PPFIA2: variants seen among roughly 807,000 people sequenced by gnomAD.
PPFIA2 encodes the protein liprin-alpha-2.
Under a neutral mutation model 175.5 loss-of-function variants are expected in PPFIA2, and 46 were observed. The ratio of observed to expected loss-of-function variants is 0.26; its 90% CI spans 0.21 to 0.34. The LOEUF (loss-of-function observed/expected upper bound fraction) is 0.34. PPFIA2 is among the 10% of genes least tolerant of loss of function. The pLI is 1.00. For synonymous variants in PPFIA2, 568 were observed against 511.4 expected (o/e 1.11, Z -1.49); for missense variants, 1,179 against 1,506.1 (o/e 0.78, Z 3.60).
chr12:81,655,509 C>CA (rs1032061684), intron 4 of PPFIA2, among the ~76,000 whole-genome samples: 107 of 151,806 alleles, frequency 7.0e-4, no homozygotes, highest in African/African-American at 2.4e-3. Context: ...CAAAATGAAT[C>CA]AAAAAAATTC....
At chr12:81,489,171 A>T (rs935051179) in intron 4 of PPFIA2, among the ~76,000 whole-genome samples, 2 of 151,842 alleles carry the variant, frequency 1.3e-5, no homozygotes, top group African/African-American at 4.8e-5. Context: ...TAGGCAAAGT[A>T]TCCTTAAAGC....
intron 4 of PPFIA2, among the ~76,000 whole-genome samples, chr12:81,580,405 G>GA (rs1185775955): frequency 2.0e-5 from 3 of 151,760 alleles, no homozygotes; most frequent in Non-Finnish European, 4.4e-5. Flanking sequence ...TAACTTTAGG[G>GA]AAAACGGTTT....
chr12:81,691,026 T>C (rs2075176852), intron 3 of PPFIA2, among the ~76,000 whole-genome samples: 1 of 152,100 alleles, frequency 6.6e-6, no homozygotes, highest in African/African-American at 2.4e-5. Context: ...TTAACCGACC[T>C]AATGTTCTCA....
intron 15 of PPFIA2, among the ~76,000 whole-genome samples, chr12:81,359,809 A>T (rs570568794): frequency 1.6e-4 from 24 of 151,746 alleles, no homozygotes; most frequent in South Asian, 4.2e-4. Context: ...AATTTATTTT[A>T]AAAAAAAGCA....
intron 4 of PPFIA2, among the ~76,000 whole-genome samples, chr12:81,638,262 G>A (rs1243306242): frequency 6.6e-6 from 1 of 152,004 alleles, no homozygotes; most frequent in Admixed American, 6.6e-5. Flanking sequence ...AAGATCATCT[G>A]ACTGCATGGC....
chr12:81,705,757 A>C (rs2077060717), intron 3 of PPFIA2, among the ~76,000 whole-genome samples: 1 of 152,180 alleles, frequency 6.6e-6, no homozygotes, highest in Non-Finnish European at 1.5e-5. Flanking sequence ...ATGATGCATG[A>C]CTGTCTCATC....
chr12:81,332,721 T>A (rs752147537), intron 21 of PPFIA2, among the ~76,000 whole-genome samples: 1 of 152,184 alleles, frequency 6.6e-6, no homozygotes, highest in Non-Finnish European at 1.5e-5. Flanking sequence ...CAATGAAGTA[T>A]TTTTTGATTG....
chr12:81,270,753 T>G (rs1187083010), intron 28 of PPFIA2: 1 of 152,192 alleles, frequency 6.6e-6, no homozygotes, highest in Non-Finnish European at 1.5e-5. Flanking sequence ...TGTGGTACTT[T>G]GATACAGCAG....
intron 14 of PPFIA2, among the ~76,000 whole-genome samples, chr12:81,363,848 A>G (rs2032013926): frequency 6.6e-6 from 1 of 151,894 alleles, no homozygotes; most frequent in Admixed American, 6.6e-5. Flanking sequence ...TAAAATGTTC[A>G]ATAGTTTCTT....
intron 4 of PPFIA2, among the ~76,000 whole-genome samples, chr12:81,592,743 T>C (rs568558115): frequency 5.3e-5 from 8 of 152,190 alleles, no homozygotes; most frequent in Admixed American, 1.3e-4. Context: ...GTCTTGGGTA[T>C]ATCTTTATCA....
chr12:81,559,589 G>C (rs2069558577), intron 4 of PPFIA2, among the ~76,000 whole-genome samples: 1 of 152,210 alleles, frequency 6.6e-6, no homozygotes, highest in South Asian at 2.1e-4. Flanking sequence ...CGTACCATTA[G>C]AAGACTCTTT....
intron 3 of PPFIA2, chr12:81,687,632 G>T (rs2153583029): frequency 6.6e-6 from 1 of 152,156 alleles, no homozygotes; most frequent in Middle Eastern, 3.4e-3. Context: ...TAGTGATCCA[G>T]AGAACAGGTT....
In PPFIA2 at chr12:81,259,440, T is replaced by C. The variant is rs1593261453; in HGVS notation, c.*254A>G. 2 of 659,060 alleles carry C rather than the reference T, an allele frequency of 3.0e-6. No homozygotes were observed. Among genetic ancestry groups the C allele is most frequent in the Non-Finnish European group, 5.4e-6 (2 of 369,820 alleles). 40.8% of individuals were successfully genotyped at this position (659,060 alleles called of 1,614,324 possible). A position where few individuals can be genotyped will look rare whatever the true frequency, so the allele number is the denominator to read the frequency against. On this transcript the variant is annotated 3_prime_UTR_variant, in exon 33 of 33. Transcript: ENST00000549396. ...AGCATCTGTTGTACAGAGTTTATGA[T>C]GTAGATGATGTTTATTATTCAAATG...
intron 4 of PPFIA2, among the ~76,000 whole-genome samples, chr12:81,510,067 T>C (rs1480576076): frequency 6.6e-6 from 1 of 152,156 alleles, no homozygotes; most frequent in East Asian, 1.9e-4. Context: ...AAGTTATCTT[T>C]ACACATATTC....
chr12:81,638,898 G>A (rs537475605), intron 4 of PPFIA2, among the ~76,000 whole-genome samples: 30 of 150,946 alleles, frequency 2.0e-4, no homozygotes, highest in Non-Finnish European at 3.0e-4. Context: ...CGTTTTAGCC[G>A]GGATGGTCTC....
intron 24 of PPFIA2, among the ~76,000 whole-genome samples, chr12:81,285,101 TA>T (rs1156414478): frequency 6.6e-6 from 1 of 152,128 alleles, no homozygotes; most frequent in Admixed American, 6.6e-5. Context: ...GCTTTCTAAA[TA>T]AAACACCCCT....
chr12:81,613,881 G>A (rs1247803622), intron 4 of PPFIA2, among the ~76,000 whole-genome samples: 1 of 152,102 alleles, frequency 6.6e-6, no homozygotes, highest in African/African-American at 2.4e-5. Context: ...GAATAGTCTT[G>A]AGAATTAGAA....
chr12:81,361,255 T>C (rs1249535622), intron 15 of PPFIA2, among the ~76,000 whole-genome samples: 1 of 151,718 alleles, frequency 6.6e-6, no homozygotes, highest in African/African-American at 2.4e-5. Flanking sequence ...TAATCAAATA[T>C]ATTTAATCTA....
At chr12:81,615,318 G>T (rs1207900271) in intron 4 of PPFIA2, among the ~76,000 whole-genome samples, 3 of 152,118 alleles carry the variant, frequency 2.0e-5, no homozygotes, top group Non-Finnish European at 4.4e-5. Context: ...TGAGTTTGAG[G>T]TTTCTATTAG....
Sources: gnomAD v4.1 joint callset for allele counts (sites outside exome capture counted in the v4.1 genomes callset) on GRCh38, gnomAD v4.1.1 for gene constraint, MANE v1.5 for transcripts, NCBI Gene and HGNC (gene_info 2026-07-23, HGNC 2026-07-21) for gene names.